The following CNTLN variants were observed in gnomAD, a reference collection of about 807,000 sequenced individuals.
The protein encoded by CNTLN is centlein.
CNTLN carries 212 observed loss-of-function variants against 180.0 expected under a neutral mutation model. That is an observed-to-expected ratio of 1.18 (90% CI 1.05 to 1.32). The LOEUF (loss-of-function observed/expected upper bound fraction) is 1.32, where lower values mean the gene tolerates loss of function less well. Among genes scored for constraint, CNTLN ranks in the 40% most tolerant of loss-of-function variants. The pLI, the probability that CNTLN is intolerant of heterozygous loss-of-function variation, is 0.00. For synonymous variants in CNTLN, 722 were observed against 563.1 expected (o/e 1.28, Z -3.99); for missense variants, 2,095 against 1,610.9 (o/e 1.30, Z -5.14).
intron 5 of CNTLN, among the ~76,000 whole-genome samples, chr9:17,249,345 G>GTTT (rs558059269): frequency 0.024 from 2,970 of 124,370 alleles, 197 homozygotes; most frequent in South Asian, 0.032. Context: ...TTCTTTGATT[G>GTTT]TTTTTTTTGT....
At chr9:17,386,056 C>G (rs894778712) in intron 13 of CNTLN, among the ~76,000 whole-genome samples, 1 of 151,992 alleles carries the variant, frequency 6.6e-6, no homozygotes, top group African/African-American at 2.4e-5. Context: ...CTTAATCCCT[C>G]AAATTGATAT....
At chr9:17,425,278 A>G (rs1003759358) in intron 18 of CNTLN, among the ~76,000 whole-genome samples, 1 of 152,134 alleles carries the variant, frequency 6.6e-6, no homozygotes, top group African/African-American at 2.4e-5. Flanking sequence ...AGTTAGAGTT[A>G]AAGGAGGTCC....
chr9:17,497,190 A>G (rs1057348113), intron 25 of CNTLN, among the ~76,000 whole-genome samples: 29 of 152,146 alleles, frequency 1.9e-4, no homozygotes, highest in African/African-American at 5.8e-4. Flanking sequence ...GTCATCAGTT[A>G]GGGAAAAGTG....
intron 15 of CNTLN, among the ~76,000 whole-genome samples, chr9:17,405,804 T>C (rs1827341806): frequency 6.6e-6 from 1 of 151,696 alleles, no homozygotes; most frequent in South Asian, 2.1e-4. Context: ...TTTTTATTTT[T>C]TTAGATGGAG....
chr9:17,351,361 T>A (rs1009162838), intron 12 of CNTLN, among the ~76,000 whole-genome samples: 1 of 152,212 alleles, frequency 6.6e-6, no homozygotes, highest in Non-Finnish European at 1.5e-5. Flanking sequence ...TAGAACCCTC[T>A]TTCTGAACTG....
At chr9:17,290,359 T>G (rs935366691) in intron 6 of CNTLN, among the ~76,000 whole-genome samples, 1 of 150,592 alleles carries the variant, frequency 6.6e-6, no homozygotes, top group Non-Finnish European at 1.5e-5. Flanking sequence ...GGAGGCAGTC[T>G]GCCCGTTCTC....
At chr9:17,233,191 G>C (rs116590190) in intron 3 of CNTLN, among the ~76,000 whole-genome samples, 1,882 of 152,032 alleles carry the variant, frequency 0.012, 33 homozygotes, top group African/African-American at 0.035. Flanking sequence ...TGATCCCCAC[G>C]CTGAAGTACA....
At chr9:17,179,736 T>G (rs1290628922) in intron 2 of CNTLN, among the ~76,000 whole-genome samples, 1 of 152,212 alleles carries the variant, frequency 6.6e-6, no homozygotes, top group African/African-American at 2.4e-5. Flanking sequence ...CACTGGCTAG[T>G]TCTATACATT....
intron 5 of CNTLN, among the ~76,000 whole-genome samples, chr9:17,259,040 C>G (rs1187029253): frequency 6.7e-6 from 1 of 149,198 alleles, no homozygotes; most frequent in East Asian, 2.0e-4. Context: ...GAGGGCATCC[C>G]TGTCTTGTGC....
At chr9:17,384,242 T>G (rs1825500401) in intron 13 of CNTLN, among the ~76,000 whole-genome samples, 1 of 150,740 alleles carries the variant, frequency 6.6e-6, no homozygotes, top group African/African-American at 2.4e-5. Context: ...ATTTTATTTT[T>G]AAGGCAAGGA....
chr9:17,516,430 G>C, the CNTLN span, among the ~76,000 whole-genome samples: 2 of 152,152 alleles, frequency 1.3e-5, no homozygotes, highest in Non-Finnish European at 2.9e-5. Flanking sequence ...TATGTGATAT[G>C]GGAACCTTCA....
chr9:17,526,327 A>G, the CNTLN span, among the ~76,000 whole-genome samples: 1 of 152,240 alleles, frequency 6.6e-6, no homozygotes, highest in East Asian at 1.9e-4. Context: ...TTAATTAGGT[A>G]TGTCTAAAAT....
chr9:17,425,081 C>G (rs982199777), intron 18 of CNTLN, among the ~76,000 whole-genome samples: 1 of 152,094 alleles, frequency 6.6e-6, no homozygotes, highest in African/African-American at 2.4e-5. Context: ...ACAGAGTAAC[C>G]TTTATCATTC....
intron 10 of CNTLN, among the ~76,000 whole-genome samples, chr9:17,340,418 C>G (rs946405454): frequency 6.6e-6 from 1 of 152,120 alleles, no homozygotes; most frequent in African/African-American, 2.4e-5. Flanking sequence ...ATTGTTCTTA[C>G]TCTGATTAAT....
At chr9:17,386,064 T>C (rs12345267) in intron 13 of CNTLN, among the ~76,000 whole-genome samples, 69,267 of 151,968 alleles carry the variant, frequency 0.46, 17,392 homozygotes, top group Non-Finnish European at 0.56. Context: ...CTCAAATTGA[T>C]ATAATCACAA....
intron 12 of CNTLN, among the ~76,000 whole-genome samples, chr9:17,343,043 C>T (rs10963046): frequency 8.6e-5 from 13 of 152,042 alleles, no homozygotes; most frequent in Non-Finnish European, 1.8e-4. Context: ...CTTGCTGTGC[C>T]CTGCCTGTCC....
chr9:17,197,411 A>G (rs1039429014), intron 2 of CNTLN, among the ~76,000 whole-genome samples: 6 of 151,842 alleles, frequency 4.0e-5, no homozygotes, highest in Non-Finnish European at 8.8e-5. Context: ...CTTTTTATTT[A>G]TTTATTTATT....
At chr9:17,310,451 A>T (rs563694979) in intron 8 of CNTLN, among the ~76,000 whole-genome samples, 48 of 152,308 alleles carry the variant, frequency 3.2e-4, no homozygotes, top group Admixed American at 1.8e-3. Context: ...TGAGTATATC[A>T]TAACTATTTT....
intron 10 of CNTLN, among the ~76,000 whole-genome samples, chr9:17,336,057 A>G (rs1212688644): frequency 6.6e-6 from 1 of 152,178 alleles, no homozygotes; most frequent in Non-Finnish European, 1.5e-5. Flanking sequence ...TGCCTGTGGA[A>G]TATTTTTGTG....
Sources: gnomAD v4.1 joint callset for allele counts (sites outside exome capture counted in the v4.1 genomes callset) on GRCh38, gnomAD v4.1.1 for gene constraint, MANE v1.5 for transcripts, NCBI Gene and HGNC (gene_info 2026-07-23, HGNC 2026-07-21) for gene names.